Variants in MDGA2 observed in about 807,000 individuals in gnomAD.
The protein encoded by MDGA2 is MAM domain-containing glycosylphosphatidylinositol anchor protein 2.
Under a neutral mutation model 117.8 loss-of-function variants are expected in MDGA2, and 40 were observed. That is an observed-to-expected ratio of 0.34 (90% CI 0.26 to 0.44). MDGA2 has a LOEUF of 0.44. MDGA2 is among the 20% of genes least tolerant of loss of function. The probability of loss-of-function intolerance (pLI) is 1.00; values close to 1 mark genes in which losing one functional copy is unlikely to be tolerated. For synonymous variants in MDGA2, 452 were observed against 439.0 expected, an observed-to-expected ratio of 1.03 and a Z score of -0.37; for missense variants, 1,123 against 1,250.6, an observed-to-expected ratio of 0.90 and a Z score of 1.54.
chr14:47,416,669 G>C (rs752780333), intron 1 of MDGA2, among the ~76,000 whole-genome samples: 2 of 152,156 alleles, frequency 1.3e-5, no homozygotes, highest in Non-Finnish European at 2.9e-5. Context: ...AATCTAGGTG[G>C]AGGTAGGTAC....
At chr14:47,475,627 AT>A (rs1446186250) in intron 1 of MDGA2, among the ~76,000 whole-genome samples, 5 of 152,220 alleles carry the variant, frequency 3.3e-5, no homozygotes, top group African/African-American at 1.2e-4. Context: ...CACAGACACC[AT>A]GTAATACTAT....
rs894437563 is a variant in MDGA2, at chr14:47,675,039, C to G, written c.-243G>C. The G allele has an allele frequency of 5.5e-6, 1 of 180,650 alleles. No homozygotes were observed. The highest frequency in any genetic ancestry group is 1.6e-4 in the East Asian group (1 of 6,154). The allele number at this position is 180,650 out of a possible 1,614,324, so 11.2% of individuals were successfully genotyped here. Reference sequence around the variant, plus strand: ...GCCGGCGGCGGGCGCGGGCAGGGGGCCGGGGGTGCCGCGCGGTAGGAGCCT... The same window carrying G: ...GCCGGCGGCGGGCGCGGGCAGGGGGGCGGGGGTGCCGCGCGGTAGGAGCCT... On this transcript the variant is annotated 5_prime_UTR_variant, in exon 1 of 17. Transcript: ENST00000399232.
chr14:47,627,237 CTG>C (rs1381751279), intron 1 of MDGA2, among the ~76,000 whole-genome samples: 3 of 151,986 alleles, frequency 2.0e-5, no homozygotes, highest in African/African-American at 4.8e-5. Context: ...AATTGGCACT[CTG>C]TGTCTAGTTA....
chr14:47,490,354 A>C (rs1894143743), intron 1 of MDGA2, among the ~76,000 whole-genome samples: 1 of 152,142 alleles, frequency 6.6e-6, no homozygotes. Context: ...TTTTATTTAA[A>C]GCAAATACTA....
chr14:47,186,634 C>T (rs1323173827), intron 3 of MDGA2, among the ~76,000 whole-genome samples: 1 of 151,884 alleles, frequency 6.6e-6, no homozygotes, highest in Non-Finnish European at 1.5e-5. Context: ...TGTCAAGATT[C>T]CATAGCTATT....
intron 8 of MDGA2, among the ~76,000 whole-genome samples, chr14:47,011,717 C>T (rs1025524435): frequency 6.6e-6 from 1 of 151,830 alleles, no homozygotes; most frequent in Admixed American, 6.6e-5. Flanking sequence ...TTATTTTTTA[C>T]AGTTTATTTC....
chr14:46,883,621 C>T (rs7156263), intron 10 of MDGA2, among the ~76,000 whole-genome samples: 45,344 of 150,944 alleles, frequency 0.3, 7,062 homozygotes, highest in South Asian at 0.52. Context: ...GAGTTGTCTA[C>T]GTAGGAATCT....
chr14:47,064,927 A>G (rs921075051), intron 6 of MDGA2, among the ~76,000 whole-genome samples: 12 of 152,074 alleles, frequency 7.9e-5, no homozygotes, highest in Non-Finnish European at 1.5e-4. Context: ...CAGAGGTCCA[A>G]TAGACTTATT....
At chr14:47,197,614 G>A (rs1487417249) in intron 3 of MDGA2, among the ~76,000 whole-genome samples, 17 of 152,164 alleles carry the variant, frequency 1.1e-4, no homozygotes, top group Admixed American at 1.1e-3. Context: ...AACAAGATTA[G>A]AAAAAAGTAC....
In MDGA2 at chr14:47,042,330, TG is replaced by T. The variant is rs1566589116; in HGVS notation, c.1526-7027del. Among the ~76,000 whole-genome samples the T allele has an allele frequency of 7.9e-4, 69 of 86,896 alleles. 1 individual carries two copies. Among genetic ancestry groups the T allele is most frequent in the East Asian group, 2.3e-3 (4 of 1,722 alleles). 57.0% of individuals were successfully genotyped at this position (86,896 alleles called of 152,430 possible). A position where few individuals can be genotyped will look rare whatever the true frequency, so the allele number is the denominator to read the frequency against. On this transcript the variant is annotated intron_variant, in intron 7 of 16. Transcript: ENST00000399232. Reference sequence around the variant, plus strand: ...AATCTATGTTTTTTTTTTTTTTTTGTGTGTGTGTGTGTGTGTATGCACACGC... The same window carrying T: ...AATCTATGTTTTTTTTTTTTTTTTGTTGTGTGTGTGTGTGTATGCACACGC...
intron 5 of MDGA2, among the ~76,000 whole-genome samples, chr14:47,130,362 A>G (rs1882141805): frequency 6.6e-6 from 1 of 152,094 alleles, no homozygotes; most frequent in African/African-American, 2.4e-5. Flanking sequence ...CCTTTCCCCC[A>G]TTGCTTGTTT....
chr14:47,287,815 T>A (rs1039009027), intron 2 of MDGA2, among the ~76,000 whole-genome samples: 5 of 152,136 alleles, frequency 3.3e-5, no homozygotes, highest in Admixed American at 2.6e-4. Flanking sequence ...GATACTGGAA[T>A]AGAGTGAGCC....
chr14:46,971,051 A>T (rs1886242037), intron 8 of MDGA2, among the ~76,000 whole-genome samples: 2 of 152,060 alleles, frequency 1.3e-5, no homozygotes, highest in African/African-American at 4.8e-5. Flanking sequence ...AAAACAAAAC[A>T]AAAACACAAA....
At chr14:46,974,295 C>T (rs932234821) in intron 8 of MDGA2, among the ~76,000 whole-genome samples, 4 of 152,104 alleles carry the variant, frequency 2.6e-5, no homozygotes, top group African/African-American at 9.7e-5. Flanking sequence ...TACGTCAAAA[C>T]TACCCAAAGA....
chr14:47,131,893 A>G, intron 4 of MDGA2, 47 bp from the exon 5 acceptor site: 1 of 1,429,280 alleles, frequency 7.0e-7, no homozygotes, highest in Non-Finnish European at 9.5e-7. Flanking sequence ...AAGCCAACAC[A>G]ACCAGAATGA....
chr14:47,286,289 G>C (rs1888668279), intron 2 of MDGA2, among the ~76,000 whole-genome samples: 1 of 151,918 alleles, frequency 6.6e-6, no homozygotes, highest in African/African-American at 2.4e-5. Flanking sequence ...GTGAACAATA[G>C]TCACCCTATT....
intron 1 of MDGA2, among the ~76,000 whole-genome samples, chr14:47,661,957 G>C (rs563885611): frequency 1.3e-5 from 2 of 151,920 alleles, no homozygotes; most frequent in Non-Finnish European, 1.5e-5. Context: ...GGCTGGTCTC[G>C]AGCTCCTGAC....
At chr14:47,375,737 AG>A (rs1891463078) in intron 1 of MDGA2, among the ~76,000 whole-genome samples, 3 of 152,120 alleles carry the variant, frequency 2.0e-5, no homozygotes, top group Admixed American at 6.5e-5. Context: ...TCTAACCTCT[AG>A]AACAATGGAT....
intron 1 of MDGA2, among the ~76,000 whole-genome samples, chr14:47,535,260 A>T (rs1227373596): frequency 1.3e-5 from 2 of 152,188 alleles, no homozygotes; most frequent in South Asian, 2.1e-4. Context: ...CAGAAACACG[A>T]TGTCCTTTTT....
Sources: allele counts gnomAD v4.1 joint callset (sites outside exome capture counted in the v4.1 genomes callset), GRCh38; gene constraint gnomAD v4.1.1; transcripts MANE v1.5; gene names NCBI Gene and HGNC (gene_info 2026-07-23, HGNC 2026-07-21).